The following STAG1 variants were observed in gnomAD, a reference collection of about 807,000 sequenced individuals.
The protein encoded by STAG1 is cohesin subunit SA-1.
A neutral mutation model predicts 170.9 loss-of-function variants in STAG1; 26 were observed. The ratio of observed to expected loss-of-function variants is 0.15; its 90% confidence interval spans 0.11 to 0.21. The LOEUF is 0.21. STAG1 is among the 10% of genes least tolerant of loss of function. The pLI is 1.00. For missense variants in STAG1, 964 were observed against 1,509.5 expected (o/e 0.64, Z 5.99); for synonymous variants, 514 against 497.7 (o/e 1.03, Z -0.44).
At chr3:136,550,595 CT>C (rs1936342356) in intron 5 of STAG1, among the ~76,000 whole-genome samples, 1 of 152,132 alleles carries the variant, frequency 6.6e-6, no homozygotes, top group South Asian at 2.1e-4. Context: ...GCATGAGCCA[CT>C]GTGCCTGGCC....
At chr3:136,386,631 ATT>A (rs1576415685) in intron 22 of STAG1, among the ~76,000 whole-genome samples, 2 of 152,126 alleles carry the variant, frequency 1.3e-5, no homozygotes, top group East Asian at 3.8e-4. Context: ...TAAATGTGTG[ATT>A]CCTTTTAATT....
In STAG1 at chr3:136,536,448, A is replaced by G. The variant is rs541835975; in HGVS notation, c.471+5671T>C. 2.6e-5 allele frequency among the ~76,000 whole-genome samples: 4 copies of G among 152,228 alleles called. 1 individual carries two copies. In the South Asian group the frequency reaches 8.3e-4, roughly 32 times the overall value. ...AAAACACAGAATAGGACAGTAGTTAAGACTATGGACTTAGGGCCAGGCACA... is the reference window on the plus strand; with the variant it reads ...AAAACACAGAATAGGACAGTAGTTAGGACTATGGACTTAGGGCCAGGCACA... On this transcript the variant is annotated intron_variant, in intron 6 of 33. Transcript: ENST00000383202.
chr3:136,465,409 C>T (rs905833602), intron 12 of STAG1, among the ~76,000 whole-genome samples: 2 of 150,854 alleles, frequency 1.3e-5, no homozygotes, highest in Non-Finnish European at 3.0e-5. Flanking sequence ...TTAGTAGAAA[C>T]GGGGTTTCGT....
Position 136,721,122 on chromosome 3 carries a change from C to G in STAG1, c.-84+31073G>C, listed in dbSNP as rs141840000. On this transcript the variant is annotated intron_variant, in intron 1 of 33. Transcript: ENST00000383202. ...CCAAATAAAACCAAGAAAGCCTGAG[C>G]TGCCAGGAAAATCAATGATTATTTT... Among the ~76,000 whole-genome samples the G allele has an allele frequency of 2.5e-3, 379 of 152,274 alleles. 1 individual carries two copies. Among genetic ancestry groups the G allele is most frequent in the African/African-American group, 8.5e-3 (355 of 41,542 alleles).
intron 1 of STAG1, among the ~76,000 whole-genome samples, chr3:136,710,053 A>T (rs1943340826): frequency 2.0e-5 from 3 of 152,134 alleles, no homozygotes; most frequent in Admixed American, 2.0e-4. Flanking sequence ...AAATAAAATA[A>T]ATTTTTAAAA....
intron 4 of STAG1, among the ~76,000 whole-genome samples, chr3:136,577,828 C>T (rs1448711288): frequency 2.0e-5 from 3 of 152,194 alleles, no homozygotes; most frequent in Admixed American, 6.5e-5. Context: ...AACCATAACA[C>T]GCCAAATTCA....
At chr3:136,562,079 T>C (rs1936865488) in intron 5 of STAG1, among the ~76,000 whole-genome samples, 2 of 152,188 alleles carry the variant, frequency 1.3e-5, no homozygotes, top group South Asian at 2.1e-4. Flanking sequence ...CACAGTATAG[T>C]ACAATGTTCC....
intron 13 of STAG1, among the ~76,000 whole-genome samples, chr3:136,457,877 C>A (rs1287959405): frequency 6.6e-6 from 1 of 152,046 alleles, no homozygotes; most frequent in East Asian, 1.9e-4. Flanking sequence ...GGGAGGATCG[C>A]TTGAGCTTAG....
chr3:136,486,281 A>T (rs577100307), intron 9 of STAG1, among the ~76,000 whole-genome samples: 14 of 152,344 alleles, frequency 9.2e-5, no homozygotes, highest in African/African-American at 3.4e-4. Context: ...TTAGATATTT[A>T]AAAATGTCTA....
At position 136,717,313 on chromosome 3, in the gene STAG1, A is replaced by G. The variant is rs149331338; in HGVS notation, c.-84+34882T>C. The stretch of plus-strand genomic sequence containing the variant: ...CAAAATCAAAGCCAAGATTTACTAT[A>G]AACAGTTATTGATTTTGGTGTTAAA... On this transcript the variant is annotated intron_variant, in intron 1 of 33. Transcript: ENST00000383202. 4.6e-5 allele frequency among the ~76,000 whole-genome samples: 7 copies of G among 152,348 alleles called. No individual in the cohort carries two copies. The East Asian group carries it at 9.6e-4, about 21-fold the overall frequency.
At chr3:136,570,823 C>T (rs1055537021) in intron 4 of STAG1, among the ~76,000 whole-genome samples, 2 of 152,236 alleles carry the variant, frequency 1.3e-5, no homozygotes, top group African/African-American at 4.8e-5. Flanking sequence ...AGAAGACTTT[C>T]TATACATAAT....
At chr3:136,400,614 C>G (rs910717491) in intron 21 of STAG1, among the ~76,000 whole-genome samples, 1 of 151,956 alleles carries the variant, frequency 6.6e-6, no homozygotes, top group African/African-American at 2.4e-5. Flanking sequence ...CGGCTCACTG[C>G]AACCTCCGCC....
At chr3:136,657,245 G>T (rs988872158) in intron 1 of STAG1, among the ~76,000 whole-genome samples, 2 of 133,924 alleles carry the variant, frequency 1.5e-5, no homozygotes, top group Non-Finnish European at 3.1e-5. Context: ...TGTCGTCTAG[G>T]CTGGAGTGCA....
intron 5 of STAG1, among the ~76,000 whole-genome samples, chr3:136,566,473 C>A (rs966920811): frequency 6.6e-6 from 1 of 152,166 alleles, no homozygotes; most frequent in African/African-American, 2.4e-5. Context: ...CAAAGTAAGG[C>A]AGCTGCACAT....
chr3:136,619,389 T>A (rs1939740611), intron 3 of STAG1, among the ~76,000 whole-genome samples: 1 of 150,408 alleles, frequency 6.6e-6, no homozygotes, highest in Non-Finnish European at 1.5e-5. Context: ...AGCAAGTAAG[T>A]AAAATGTATG....
At position 136,493,783 on chromosome 3, in the gene STAG1, C is replaced by T. The variant is rs1294579985; in HGVS notation, c.902+6440G>A. Among the ~76,000 whole-genome samples the T allele has an allele frequency of 2.6e-5, 4 of 151,612 alleles. No homozygotes were observed. The East Asian group carries it at 7.7e-4, about 29-fold the overall frequency. On this transcript the variant is annotated intron_variant, in intron 9 of 33. Transcript: ENST00000383202. ...TGAAAAGATCAACAAAACAAACTTA[C>T]AGTGAAACTGAGAAAGACAAAAGAG...
chr3:136,544,592 A>G (rs1936065665), intron 5 of STAG1, among the ~76,000 whole-genome samples: 1 of 151,982 alleles, frequency 6.6e-6, no homozygotes, highest in Non-Finnish European at 1.5e-5. Context: ...GCGAGACATC[A>G]TCTCTACTAA....
At chr3:136,661,594 A>G (rs961664896) in intron 1 of STAG1, among the ~76,000 whole-genome samples, 6 of 152,198 alleles carry the variant, frequency 3.9e-5, no homozygotes, top group African/African-American at 1.4e-4. Context: ...CTCATTATGT[A>G]TATGCAAATA....
chr3:136,366,931 A>C lies in STAG1; in HGVS notation c.2685+12T>G, dbSNP rs760314846. 6.5e-7 allele frequency: 1 copy of C among 1,535,912 alleles called. No individual in the cohort carries two copies. On this transcript the variant is annotated intron_variant, in intron 25 of 33. Transcript: ENST00000383202. ...TTAGAGGAAGGAGAAAAATAAGAAT[A>C]TTTAACTATACCTTCATGTAGTGTT... is the stretch of plus-strand genomic sequence containing the variant.
Sources: allele counts gnomAD v4.1 joint callset (sites outside exome capture counted in the v4.1 genomes callset), GRCh38; gene constraint gnomAD v4.1.1; transcripts MANE v1.5; gene names NCBI Gene and HGNC (gene_info 2026-07-23, HGNC 2026-07-21).